The following NFATC1 variants were observed in gnomAD, a reference collection of about 807,000 sequenced individuals.
NFATC1 encodes nuclear factor of activated T cells 1.
In NFATC1, 22 loss-of-function variants were observed where a neutral mutation model predicts 76.0. The ratio of observed to expected loss-of-function variants is 0.29; its 90% CI spans 0.21 to 0.41. The LOEUF (loss-of-function observed/expected upper bound fraction) is 0.41, where lower values mean the gene tolerates loss of function less well. Among genes scored for constraint, NFATC1 ranks in the 10% least tolerant of loss-of-function variants. NFATC1 has a pLI of 1.00. For synonymous variants in NFATC1, 704 were observed against 613.1 expected, an observed-to-expected ratio of 1.15 and a Z score of -2.19; for missense variants, 1,357 against 1,337.7, an observed-to-expected ratio of 1.01 and a Z score of -0.23.
At chr18:79,507,799 C>T (rs1600956723) in intron 9 of NFATC1, among the ~76,000 whole-genome samples, 1 of 152,390 alleles carries the variant, frequency 6.6e-6, no homozygotes, top group Admixed American at 6.5e-5. Flanking sequence ...CATTCGCATC[C>T]GCAGTGCTTT....
At chr18:79,514,944 T>G (rs2090342372) in intron 9 of NFATC1, among the ~76,000 whole-genome samples, 1 of 151,658 alleles carries the variant, frequency 6.6e-6, no homozygotes, top group African/African-American at 2.4e-5. Context: ...CTTGAGAGTC[T>G]GAGGAGGGAG....
At chr18:79,399,128 C>G (rs1363811905) in intron 1 of NFATC1, among the ~76,000 whole-genome samples, 2 of 152,250 alleles carry the variant, frequency 1.3e-5, no homozygotes, top group African/African-American at 4.8e-5. Flanking sequence ...CAACAGAAAA[C>G]AGAACTTCCA....
Position 79,449,000 on chromosome 18 carries a change from C to A in NFATC1, c.1589+16C>A, listed in dbSNP as rs903939186. 6.8e-6 allele frequency: 11 copies of A among 1,611,284 alleles called. No individual in the cohort carries two copies. Among genetic ancestry groups the A allele is most frequent in the Middle Eastern group, 3.4e-4 (2 of 5,864 alleles). On this transcript the variant is annotated intron_variant, in intron 4 of 9. Coordinates refer to ENST00000427363, the MANE Select transcript of NFATC1 (RefSeq NM_001278669.2). ...TGCGAGCCGTGTAAGCCGCGGGGGA[C>A]CTCCGGCCTCTGGCAGGGGGCGGTA...
chr18:79,406,801 C>T (rs866090119), intron 1 of NFATC1, among the ~76,000 whole-genome samples: 6 of 152,174 alleles, frequency 3.9e-5, no homozygotes, highest in African/African-American at 4.8e-5. Context: ...TTCTGTCCAC[C>T]GTTGGACTGC....
chr18:79,497,809 C>T (rs1219281180), intron 9 of NFATC1: 2 of 151,646 alleles, frequency 1.3e-5, no homozygotes, highest in Admixed American at 6.6e-5. Context: ...AGACTGGCTT[C>T]GTGGCTCAAG....
rs1339150273 is a variant in NFATC1 at position 79,465,873 on chromosome 18, G to A, written c.1960-1577G>A. Among the ~76,000 whole-genome samples the A allele has an allele frequency of 6.6e-6, 1 of 152,232 alleles. No individual in the cohort carries two copies. The highest frequency in any genetic ancestry group is 2.4e-5 in the African/African-American group (1 of 41,462). ...GATGGCCCAGACCCACAGTGCTCTG[G>A]GGGCAGCCCAGGCCCCGCCCACTGA... is the stretch of plus-strand genomic sequence containing the variant. On this transcript the variant is annotated intron_variant, in intron 7 of 9. Transcript: ENST00000427363. This position sits in a 1 kb window ranked among gnomAD's most constrained non-coding sequence, Gnocchi z 4.2.
At position 79,514,657 on chromosome 18, in the gene NFATC1, C is replaced by T. The variant is rs939917167; in HGVS notation, c.2783-12871C>T. 7.3e-5 allele frequency among the ~76,000 whole-genome samples: 11 copies of T among 151,044 alleles called. No homozygotes were observed. The East Asian group carries it at 1.9e-3, about 27-fold the overall frequency. ...GAAGCAGGTGTCTTTTTTAAATGGC[C>T]GTTTTCTTACATAGCCACAGTGCAA... On this transcript the variant is annotated intron_variant, in intron 9 of 9. Coordinates refer to ENST00000427363, the MANE Select transcript of NFATC1 (RefSeq NM_001278669.2).
chr18:79,488,015 G>A (rs900678074), intron 9 of NFATC1, among the ~76,000 whole-genome samples: 2 of 152,160 alleles, frequency 1.3e-5, no homozygotes, highest in Non-Finnish European at 2.9e-5. Flanking sequence ...CCTGCTCAGT[G>A]GCCTGGGGTC....
chr18:79,444,694 C>G (rs559970888), intron 3 of NFATC1, among the ~76,000 whole-genome samples: 1 of 152,108 alleles, frequency 6.6e-6, no homozygotes, highest in East Asian at 1.9e-4. Flanking sequence ...CCCGACCCCG[C>G]AGACCACACC....
At chr18:79,516,873 C>T (rs911915870) in intron 9 of NFATC1, among the ~76,000 whole-genome samples, 1 of 152,166 alleles carries the variant, frequency 6.6e-6, no homozygotes, top group Non-Finnish European at 1.5e-5. Context: ...GTACTTAGCT[C>T]ATATCTACTG....
At chr18:79,422,769 T>G (rs751989514) in intron 2 of NFATC1, 20 of 152,364 alleles carry the variant, frequency 1.3e-4, no homozygotes, top group Non-Finnish European at 1.0e-4. Flanking sequence ...CTGCAAGGAA[T>G]GTTTCAGAGC....
At chr18:79,452,658 C>T (rs1053500327) in intron 6 of NFATC1, among the ~76,000 whole-genome samples, 3 of 152,194 alleles carry the variant, frequency 2.0e-5, no homozygotes, top group Non-Finnish European at 2.9e-5. Flanking sequence ...GAGTGGGCAC[C>T]AGTGTAGCTG....
intron 2 of NFATC1, among the ~76,000 whole-genome samples, chr18:79,428,090 T>C (rs961610139): frequency 1.8e-5 from 2 of 114,030 alleles, no homozygotes; most frequent in African/African-American, 6.9e-5. Flanking sequence ...CCTGGACAGC[T>C]GGCCTCTGTG....
At chr18:79,462,730 G>A (rs750846476) in intron 7 of NFATC1, among the ~76,000 whole-genome samples, 1 of 150,152 alleles carries the variant, frequency 6.7e-6, no homozygotes, top group Non-Finnish European at 1.5e-5. Context: ...GCTCACAAGG[G>A]AGTTTTGAAG....
chr18:79,434,626 G>A (rs1002041456), intron 3 of NFATC1, among the ~76,000 whole-genome samples: 3 of 152,276 alleles, frequency 2.0e-5, no homozygotes, highest in African/African-American at 4.8e-5. Flanking sequence ...TGTTTTCCGA[G>A]CACACCCCAA....
rs553047835 is a variant in NFATC1, at chr18:79,406,486, G to A, written c.128-3917G>A. ...CCCTCAGTTCCGCTGCTGTGCTTTCGGGTCTCCTGGAGTTGATGACTGGTG... is the reference window on the plus strand; with the variant it reads ...CCCTCAGTTCCGCTGCTGTGCTTTCAGGTCTCCTGGAGTTGATGACTGGTG... On this transcript the variant is annotated intron_variant, in intron 1 of 9. Transcript: ENST00000427363. 5.9e-4 allele frequency among the ~76,000 whole-genome samples: 90 copies of A among 152,170 alleles called. 1 individual carries two copies. Among genetic ancestry groups the A allele is most frequent in the African/African-American group, 1.6e-3 (67 of 41,508 alleles).
In NFATC1 at chr18:79,438,070, G is replaced by C. The variant is rs532816118; in HGVS notation, c.1386+4332G>C. Among the ~76,000 whole-genome samples, 3 of 152,338 alleles carry C rather than the reference G, an allele frequency of 2.0e-5. No homozygotes were observed. In the South Asian group the frequency reaches 6.2e-4, roughly 32 times the overall value. On this transcript the variant is annotated intron_variant, in intron 3 of 9. Coordinates refer to ENST00000427363, the MANE Select transcript of NFATC1 (RefSeq NM_001278669.2). Reference sequence around the variant, plus strand: ...CTCCACCTGCGTGTTCTCCATCTGGGGGACTGTGGTCCCGGAGGAGACCTG... The same window carrying C: ...CTCCACCTGCGTGTTCTCCATCTGGCGGACTGTGGTCCCGGAGGAGACCTG...
chr18:79,441,919 T>G (rs1398271869), intron 3 of NFATC1, among the ~76,000 whole-genome samples: 1 of 152,136 alleles, frequency 6.6e-6, no homozygotes, highest in Non-Finnish European at 1.5e-5. Flanking sequence ...CCGGGCAGAA[T>G]CTTCTTCAGC....
intron 1 of NFATC1, chr18:79,402,329 G>A (rs1600584995): frequency 1.0e-6 from 1 of 985,424 alleles, no homozygotes; most frequent in African/African-American, 1.7e-5. Context: ...TGGGGACCCT[G>A]GTGAACATGG....
Sources: allele counts gnomAD v4.1 joint callset (sites outside exome capture counted in the v4.1 genomes callset), GRCh38; gene constraint gnomAD v4.1.1; non-coding constraint Gnocchi (gnomAD v3.1); transcripts MANE v1.5; gene names NCBI Gene and HGNC (gene_info 2026-07-23, HGNC 2026-07-21).